The following RUFY2 variants were observed in gnomAD, a reference collection of about 807,000 sequenced individuals.
RUFY2 encodes RUN and FYVE domain-containing protein 2.
A neutral mutation model predicts 94.4 loss-of-function variants in RUFY2; 49 were observed. That is an observed-to-expected ratio of 0.52 (90% CI 0.41 to 0.66). RUFY2 has a LOEUF of 0.66. Ranked by LOEUF, RUFY2 falls within the 30% of genes least tolerant of loss-of-function variation. RUFY2 has a pLI of 0.00. For synonymous variants in RUFY2, 255 were observed against 235.7 expected, an observed-to-expected ratio of 1.08 and a Z score of -0.75; for missense variants, 541 against 692.8, an observed-to-expected ratio of 0.78 and a Z score of 2.46.
intron 8 of RUFY2, among the ~76,000 whole-genome samples, chr10:68,384,980 T>A (rs1201148446): frequency 6.7e-6 from 1 of 149,988 alleles, no homozygotes; most frequent in Non-Finnish European, 1.5e-5. Flanking sequence ...TTAGGCCAAT[T>A]TGGCTGGGTG....
At chr10:68,386,870 T>C (rs1421062178) in intron 7 of RUFY2, among the ~76,000 whole-genome samples, 1 of 152,152 alleles carries the variant, frequency 6.6e-6, no homozygotes, top group Non-Finnish European at 1.5e-5. Context: ...CATGAGAACT[T>C]AGAGACATCC....
At chr10:68,341,432 TGGCTTTCTGTG>T (rs1486925521), downstream of RUFY2, 19 of 1,086,270 alleles carry the variant, frequency 1.7e-5, no homozygotes, top group Admixed American at 2.4e-5. Context: ...ACCTCTATAA[TGGCTTTCTGTG>T]GGCTTTATAT....
chr10:68,377,205 A>T, intron 12 of RUFY2: 1 of 1,359,420 alleles, frequency 7.4e-7, no homozygotes, highest in Non-Finnish European at 9.4e-7. Context: ...CTATCTTCAA[A>T]TTTGTTTTAT....
chr10:68,364,090 T>G lies in RUFY2; in HGVS notation c.1349A>C (p.Lys450Thr), dbSNP rs370795568. The change falls in exon 14 of 18, where the codon AAG becomes ACG. Residue 450 changes from lysine to threonine, a missense_variant. Coordinates refer to ENST00000602465, the MANE Select transcript of RUFY2 (RefSeq NM_001330103.2). ...AGTCTGCCTCCATTCCTTCTCAATCTTCAAGTCAGTTTCCAGTTGCACCCT... is the reference window on the plus strand; with the variant it reads ...AGTCTGCCTCCATTCCTTCTCAATCGTCAAGTCAGTTTCCAGTTGCACCCT... Reference protein sequence around the residue: ...KQLVQLETDLKIEKEWRQTLQ... With the variant: ...KQLVQLETDLTIEKEWRQTLQ... 93 of 1,612,922 alleles carry G rather than the reference T, an allele frequency of 5.8e-5. No homozygotes were observed. Among genetic ancestry groups the G allele is most frequent in the Non-Finnish European group, 7.5e-5 (88 of 1,179,468 alleles).
At chr10:68,369,407 C>A (rs868197171) in intron 13 of RUFY2, among the ~76,000 whole-genome samples, 15 of 150,520 alleles carry the variant, frequency 1.0e-4, no homozygotes, top group South Asian at 2.1e-4. Context: ...ATTGCCTGAA[C>A]TGGGGAGGTC....
chr10:68,404,111 G>A (rs1478787859), intron 2 of RUFY2, among the ~76,000 whole-genome samples: 1 of 152,122 alleles, frequency 6.6e-6, no homozygotes, highest in African/African-American at 2.4e-5. Context: ...CAGTTATTAT[G>A]CAATGAATAT....
chr10:68,386,213 GT>G, intron 7 of RUFY2, 85 bp from the exon 8 acceptor site: 2 of 1,094,030 alleles, frequency 1.8e-6, no homozygotes, highest in Non-Finnish European at 2.7e-6. Flanking sequence ...GATTTACTAT[GT>G]TTACTGACAG....
intron 16 of RUFY2, among the ~76,000 whole-genome samples, chr10:68,353,090 T>C (rs1308385006): frequency 6.6e-6 from 1 of 152,104 alleles, no homozygotes; most frequent in Non-Finnish European, 1.5e-5. Flanking sequence ...CCCAGCACTT[T>C]GGGAGGCCGA....
At chr10:68,367,931 TCA>T (rs1554882182) in intron 13 of RUFY2, among the ~76,000 whole-genome samples, 2 of 151,690 alleles carry the variant, frequency 1.3e-5, no homozygotes, top group Non-Finnish European at 2.9e-5. Flanking sequence ...GATTTCAATT[TCA>T]CAGTTTTCAC....
intron 12 of RUFY2, chr10:68,378,367 G>A (rs1247174052): frequency 1.6e-6 from 2 of 1,230,856 alleles, no homozygotes; most frequent in African/African-American, 1.6e-5. Context: ...CAAGGTTTGA[G>A]GAACGTATGT....
chr10:68,393,812 A>G (rs2050177527), intron 6 of RUFY2: 1 of 500,016 alleles, frequency 2.0e-6, no homozygotes, highest in South Asian at 2.6e-5. Context: ...CTTTTATTCC[A>G]AAAAACCACT....
chr10:68,388,603 A>G (rs2049713112), intron 7 of RUFY2, among the ~76,000 whole-genome samples: 1 of 152,300 alleles, frequency 6.6e-6, no homozygotes, highest in African/African-American at 2.4e-5. Context: ...TTAGGAGGCC[A>G]CAGTGGGTGG....
rs1200335175 is a variant in RUFY2, at chr10:68,407,213, G to T, written c.-24C>A. On this transcript the variant is annotated 5_prime_UTR_variant, in exon 1 of 18. Transcript: ENST00000602465. ...ATGGCGGCGGCGGCTGCGCGGTCTC[G>T]GGCGGAGGCTCCCTCGGCCTGTCCA... is the stretch of plus-strand genomic sequence containing the variant. 8.6e-6 allele frequency: 12 copies of T among 1,401,782 alleles called. No individual in the cohort carries two copies. Among genetic ancestry groups the T allele is most frequent in the South Asian group, 1.6e-5 (1 of 63,904 alleles). 86.8% of individuals were successfully genotyped at this position (1,401,782 alleles called of 1,614,324 possible). A position where few individuals can be genotyped will look rare whatever the true frequency, so the allele number is the denominator to read the frequency against.
chr10:68,403,769 C>A (rs1296347300), intron 2 of RUFY2, among the ~76,000 whole-genome samples: 1 of 150,438 alleles, frequency 6.6e-6, no homozygotes, highest in African/African-American at 2.4e-5. Context: ...TTTATTAAAA[C>A]AAAGTTTAGG....
intron 8 of RUFY2, among the ~76,000 whole-genome samples, chr10:68,385,029 C>T (rs1458779796): frequency 6.6e-6 from 1 of 152,072 alleles, no homozygotes; most frequent in African/African-American, 2.4e-5. Context: ...TTTGGGAGGC[C>T]GAGGCAGGTG....
chr10:68,364,522 T>C (rs998408788), intron 13 of RUFY2, among the ~76,000 whole-genome samples: 8 of 152,178 alleles, frequency 5.3e-5, no homozygotes, highest in Non-Finnish European at 1.2e-4. Flanking sequence ...CAACAAACTT[T>C]ATTCCAATAT....
chr10:68,362,603 G>A (rs993516701), intron 15 of RUFY2, among the ~76,000 whole-genome samples: 1 of 151,982 alleles, frequency 6.6e-6, no homozygotes, highest in African/African-American at 2.4e-5. Flanking sequence ...ACCAGCCTGG[G>A]CAACATGCAA....
intron 6 of RUFY2, 48 bp from the exon 7 acceptor site, chr10:68,393,251 T>A: frequency 2.0e-6 from 2 of 988,232 alleles, no homozygotes; most frequent in Non-Finnish European, 1.5e-6. Flanking sequence ...AGGTATTTAT[T>A]AAGCACAAAA....
Position 68,365,100 on chromosome 10 carries a change from T to C in RUFY2, c.1326-987A>G, listed in dbSNP as rs534581672. On this transcript the variant is annotated intron_variant, in intron 13 of 17. Coordinates refer to ENST00000602465, the MANE Select transcript of RUFY2 (RefSeq NM_001330103.2). ...TGTTAATATTTAGATTATTTTTTATTATTTCCTCATAGTTAGCATTTCCAC... is the reference window on the plus strand; with the variant it reads ...TGTTAATATTTAGATTATTTTTTATCATTTCCTCATAGTTAGCATTTCCAC... Among the ~76,000 whole-genome samples the C allele has an allele frequency of 4.6e-5, 7 of 152,322 alleles. No homozygotes were observed. The South Asian group carries it at 1.4e-3, about 32-fold the overall frequency.
Sources: allele counts gnomAD v4.1 joint callset (sites outside exome capture counted in the v4.1 genomes callset), GRCh38; gene constraint gnomAD v4.1.1; transcripts MANE v1.5; gene names NCBI Gene and HGNC (gene_info 2026-07-23, HGNC 2026-07-21).